The following TMF1 variants were observed in gnomAD, a reference collection of about 807,000 sequenced individuals.
TMF1 encodes TATA element modulatory factor 1.
TMF1 carries 71 observed loss-of-function variants against 126.5 expected under a neutral mutation model. The ratio of observed to expected loss-of-function variants is 0.56; its 90% CI spans 0.46 to 0.68. The LOEUF is 0.68. TMF1 is among the 30% of genes least tolerant of loss of function. TMF1 has a pLI of 0.00. For synonymous variants in TMF1, 461 were observed against 430.5 expected, an observed-to-expected ratio of 1.07 and a Z score of -0.88; for missense variants, 1,259 against 1,253.2, an observed-to-expected ratio of 1.00 and a Z score of -0.07.
rs562841108 is a variant in TMF1, at chr3:69,027,901, T to G, written c.2756A>C (p.Lys919Thr). The G allele has an allele frequency of 6.6e-7, 1 of 1,522,922 alleles. No homozygotes were observed. Among genetic ancestry groups the G allele is most frequent in the South Asian group, 1.2e-5 (1 of 86,772 alleles). The allele number at this position is 1,522,922 out of a possible 1,614,324, so 94.3% of individuals were successfully genotyped here. A position where few individuals can be genotyped will look rare whatever the true frequency, so the allele number is the denominator to read the frequency against. ...ACAAACAAAAACAAAATTCAATACC[T>G]TTTCTTTTATTGTTTCTTGAGTAAA... is the stretch of plus-strand genomic sequence containing the variant. Reference protein sequence around the residue: ...AIFTQETIKEKERKPFSVSST... With the variant: ...AIFTQETIKETERKPFSVSST... Residue 919 changes from lysine to threonine, a missense_variant and splice_region_variant, in exon 13 of 17, where the codon AAG (lysine) becomes ACG (threonine). Transcript: ENST00000398559.
rs1469120054 is a variant in TMF1 at position 69,048,176 on chromosome 3, G to T, written c.529C>A (p.His177Asn). Residue 177 changes from histidine to asparagine, a missense_variant, in exon 2 of 17, where the codon CAC (histidine) becomes AAC (asparagine). Transcript: ENST00000398559. ...GATTCTTTATTAACAGTTTCTTCGT[G>T]CTTGCCTTCAGTTTTAGGTGATGAA... ...GTSSPKTEGK[H>N]EETVNKESDM... is the part of the protein sequence containing the mutation. 1 of 1,614,038 alleles carries T rather than the reference G, an allele frequency of 6.2e-7. No homozygotes were observed. Among genetic ancestry groups the T allele is most frequent in the Non-Finnish European group, 8.5e-7 (1 of 1,180,040 alleles).
Position 69,052,193 on chromosome 3 carries a change from T to C in TMF1, c.-107A>G. On this transcript the variant is annotated 5_prime_UTR_variant, in exon 1 of 17. Transcript: ENST00000398559. ...TCGCTCCCCTTTTCCACTCGGCTGG[T>C]TCTGTCAGCGTGTGGCCATTACCCC... is the stretch of plus-strand genomic sequence containing the variant. 1 of 1,315,200 alleles carries C rather than the reference T, an allele frequency of 7.6e-7. No individual in the cohort carries two copies. The allele number at this position is 1,315,200 out of a possible 1,614,324, so 81.5% of individuals were successfully genotyped here.
intron 1 of TMF1, among the ~76,000 whole-genome samples, chr3:69,050,352 C>A (rs2091920418): frequency 6.6e-6 from 1 of 151,724 alleles, no homozygotes; most frequent in Non-Finnish European, 1.5e-5. Context: ...TAGAAAACTT[C>A]AGTTTGGAGG....
intron 11 of TMF1, among the ~76,000 whole-genome samples, chr3:69,029,128 G>A (rs2091785512): frequency 6.6e-6 from 1 of 151,606 alleles, no homozygotes; most frequent in Admixed American, 6.6e-5. Flanking sequence ...CTGCCTCCCA[G>A]GTTCAAGCAA....
intron 2 of TMF1, among the ~76,000 whole-genome samples, chr3:69,047,048 A>C (rs1285035783): frequency 6.6e-6 from 1 of 152,178 alleles, no homozygotes; most frequent in East Asian, 1.9e-4. Context: ...ATTCCTTTCA[A>C]ATTGACATAC....
chr3:69,030,847 T>C (rs902073677), intron 10 of TMF1, among the ~76,000 whole-genome samples: 4 of 152,222 alleles, frequency 2.6e-5, no homozygotes, highest in African/African-American at 7.2e-5. Context: ...GTAAACAGTT[T>C]GGCATTTTCT....
At chr3:69,039,326 T>C (rs2091850480) in intron 6 of TMF1, among the ~76,000 whole-genome samples, 2 of 152,162 alleles carry the variant, frequency 1.3e-5, no homozygotes, top group Non-Finnish European at 2.9e-5. Flanking sequence ...GATCTCAAAC[T>C]CCTGGCCTCA....
At chr3:69,034,485 TTAAA>T (rs951878650) in intron 9 of TMF1, among the ~76,000 whole-genome samples, 15 of 151,864 alleles carry the variant, frequency 9.9e-5, no homozygotes, top group African/African-American at 2.4e-4. Flanking sequence ...AATAAAGAAA[TTAAA>T]TAAATAAATA....
Position 69,052,312 on chromosome 3 carries a change from C to A in TMF1, c.-226G>T, listed in dbSNP as rs1288422466. ...TGTGCGCATGCGCTTGCTTCTTCCA[C>A]GTACACAGCAACCAAATCTACGAGC... is the stretch of plus-strand genomic sequence containing the variant. On this transcript the variant is annotated 5_prime_UTR_variant, in exon 1 of 17. Transcript: ENST00000398559. The A allele has an allele frequency of 5.1e-6, 2 of 392,418 alleles. No individual in the cohort carries two copies. Among genetic ancestry groups the A allele is most frequent in the Middle Eastern group, 6.7e-4 (1 of 1,484 alleles). 24.3% of individuals were successfully genotyped at this position (392,418 alleles called of 1,614,324 possible).
chr3:69,045,051 A>C (rs2091887923), intron 2 of TMF1, among the ~76,000 whole-genome samples: 1 of 152,254 alleles, frequency 6.6e-6, no homozygotes, highest in Non-Finnish European at 1.5e-5. Flanking sequence ...GTCAAAGAGG[A>C]AATTTAAAGC....
chr3:69,041,140 T>A (rs2091862373), intron 5 of TMF1, among the ~76,000 whole-genome samples: 2 of 152,234 alleles, frequency 1.3e-5, no homozygotes. Context: ...CAAATAACTC[T>A]TTTAAAATAA....
At chr3:69,045,681 G>A (rs2091891815) in intron 2 of TMF1, among the ~76,000 whole-genome samples, 1 of 152,070 alleles carries the variant, frequency 6.6e-6, no homozygotes, top group African/African-American at 2.4e-5. Flanking sequence ...TTGGGAGGCT[G>A]AGGCAGAAGA....
In TMF1 at chr3:69,025,710, A is replaced by G. The variant is rs754364352; in HGVS notation, c.2862T>C (p.Asp954=). The G allele has an allele frequency of 1.1e-5, 17 of 1,610,780 alleles. No individual in the cohort carries two copies. The Admixed American group carries it at 2.2e-4, about 21-fold the overall frequency. The change falls in exon 15 of 17, where the codon GAT becomes GAC. Residue 954 remains aspartate, a splice_region_variant and synonymous_variant. Coordinates refer to ENST00000398559, the MANE Select transcript of TMF1 (RefSeq NM_007114.3). ...AGLQTSFLSQ[D]ESHDHSFGPM... Reference sequence around the variant, plus strand: ...GTCCAAATGAGTGATCATGAGACTCATCCTATGTTAATTAAGAAAGTTCAC... The same window carrying G: ...GTCCAAATGAGTGATCATGAGACTCGTCCTATGTTAATTAAGAAAGTTCAC...
intron 2 of TMF1, among the ~76,000 whole-genome samples, chr3:69,046,135 A>G (rs1482740488): frequency 6.6e-6 from 1 of 152,174 alleles, no homozygotes; most frequent in Non-Finnish European, 1.5e-5. Context: ...ATCCACACTA[A>G]AAGTAATTTT....
chr3:69,039,734 T>C, intron 5 of TMF1, 41 bp from the exon 6 acceptor site: 1 of 1,571,602 alleles, frequency 6.4e-7, no homozygotes, highest in Non-Finnish European at 8.6e-7. Context: ...TGATAACTAT[T>C]CCCTAAAAAT....
rs750304317 is a variant in TMF1, at chr3:69,042,901, G to A, written c.1590C>T (p.Asn530=). The change falls in exon 5 of 17, where the codon AAC becomes AAT. Residue 530 remains asparagine, a synonymous_variant. Coordinates refer to ENST00000398559, the MANE Select transcript of TMF1 (RefSeq NM_007114.3). ...ERDAAKKEIK[N]IKEELATRLN... is the part of the protein sequence containing the mutation. ...ATCTAGTGGCAAGTTCTTCTTTTAT[G>A]TTTTTGATTTCCTAATAAAAAAGAA... is the stretch of plus-strand genomic sequence containing the variant. 6.2e-7 allele frequency: 1 copy of A among 1,609,588 alleles called. No homozygotes were observed. The highest frequency in any genetic ancestry group is 1.3e-5 in the African/African-American group (1 of 74,656).
Position 69,048,299 on chromosome 3 carries a change from A to T in TMF1, c.406T>A (p.Ser136Thr). Residue 136 changes from serine to threonine, a missense_variant, in exon 2 of 17, where the codon TCC becomes ACC. Coordinates refer to ENST00000398559, the MANE Select transcript of TMF1 (RefSeq NM_007114.3). The stretch of plus-strand genomic sequence containing the variant: ...GTTCTTGACTGGCCAATGTGCAAGG[A>T]TTCATGTAAGCTGCTTTTCACTTCT... ...EEEVKSSLHE[S>T]LHIGQSRTPE... The T allele has an allele frequency of 2.5e-6, 4 of 1,614,184 alleles. No individual in the cohort carries two copies. Among genetic ancestry groups the T allele is most frequent in the Non-Finnish European group, 3.4e-6 (4 of 1,180,046 alleles).
rs1248551004 is a variant in TMF1, at chr3:69,048,368, G to C, written c.337C>G (p.Pro113Ala). 1 of 1,614,110 alleles carries C rather than the reference G, an allele frequency of 6.2e-7. No individual in the cohort carries two copies. Among genetic ancestry groups the C allele is most frequent in the Non-Finnish European group, 8.5e-7 (1 of 1,180,022 alleles). The part of the protein sequence containing the change: ...PTDVQTIQKS[P>A]VVSKPPAKSQ... ...TTTGCTGGAGGTTTTGATACCACTG[G>C]ACTCTTCTGAATGGTCTGGACATCA... The change falls in exon 2 of 17, where the codon CCA (proline) becomes GCA (alanine). Residue 113 changes from proline (P) to alanine (A), a missense_variant. By Grantham distance (27) the Pro-to-Ala change is conservative. Coordinates refer to ENST00000398559, the MANE Select transcript of TMF1 (RefSeq NM_007114.3).
At position 69,020,858 on chromosome 3, in the gene TMF1, A is replaced by G. The variant is rs1027602100; in HGVS notation, c.*2319T>C. On this transcript the variant is annotated 3_prime_UTR_variant, in exon 17 of 17. Coordinates refer to ENST00000398559, the MANE Select transcript of TMF1 (RefSeq NM_007114.3). ...AGAATGTTTAATTTTATAAAATTGA[A>G]AAGTTTAGGAATGAGTTTTATTGCA... 6 of 152,222 alleles carry G rather than the reference A, an allele frequency of 3.9e-5. No individual in the cohort carries two copies. The highest frequency in any genetic ancestry group is 1.9e-4 in the East Asian group (1 of 5,202). 9.4% of individuals were successfully genotyped at this position (152,222 alleles called of 1,614,324 possible). A position where few individuals can be genotyped will look rare whatever the true frequency, so the allele number is the denominator to read the frequency against.
Sources: gnomAD v4.1 joint callset for allele counts (sites outside exome capture counted in the v4.1 genomes callset) on GRCh38, gnomAD v4.1.1 for gene constraint, MANE v1.5 for transcripts, NCBI Gene and HGNC (gene_info 2026-07-23, HGNC 2026-07-21) for gene names.